Variants in TAF12 observed in about 807,000 individuals in gnomAD.
TAF12 encodes TATA-box binding protein associated factor 12.
TAF12 carries 3 observed loss-of-function variants against 20.8 expected under a neutral mutation model. The observed-to-expected ratio is 0.14, with a 90% confidence interval of 0.07 to 0.37. The LOEUF is 0.37. Ranked by LOEUF, TAF12 falls within the 10% of genes least tolerant of loss-of-function variation. TAF12 has a pLI of 1.00. For synonymous variants in TAF12, 69 were observed against 70.2 expected (o/e 0.98, Z 0.09); for missense variants, 131 against 197.9 (o/e 0.66, Z 2.03).
intron 1 of TAF12, among the ~76,000 whole-genome samples, chr1:28,628,022 G>A (rs942395500): frequency 6.6e-6 from 1 of 151,896 alleles, no homozygotes; most frequent in African/African-American, 2.4e-5. Flanking sequence ...GAGCATTCAA[G>A]ATCTGTGAAT....
intron 4 of TAF12, among the ~76,000 whole-genome samples, chr1:28,610,957 CAAAA>C (rs1170666206): frequency 1.5e-4 from 4 of 26,812 alleles, no homozygotes; most frequent in Non-Finnish European, 2.1e-4. Flanking sequence ...GAGACTGTCT[CAAAA>C]AAAAAAAAAA....
intron 2 of TAF12, among the ~76,000 whole-genome samples, chr1:28,620,008 C>T (rs1388386374): frequency 6.6e-6 from 1 of 151,250 alleles, no homozygotes; most frequent in African/African-American, 2.4e-5. Context: ...AAAAGACATA[C>T]ACTAAAATGC....
intron 4 of TAF12, 111 bp downstream of exon 4, chr1:28,613,136 C>A: frequency 1.4e-6 from 1 of 733,440 alleles, no homozygotes; most frequent in Non-Finnish European, 2.1e-6. Context: ...TACATAAATC[C>A]CAGTGCCCAA....
chr1:28,626,754 C>G (rs189842797), intron 1 of TAF12, among the ~76,000 whole-genome samples: 1 of 150,330 alleles, frequency 6.7e-6, no homozygotes, highest in Non-Finnish European at 1.5e-5. Context: ...ACTAAAAATA[C>G]AAAAAATTAG....
At chr1:28,642,655 C>T (rs1479706410) in intron 1 of TAF12, 2 of 985,472 alleles carry the variant, frequency 2.0e-6, no homozygotes, top group Admixed American at 1.2e-4. Flanking sequence ...CCACTTTTAC[C>T]TCTCCGGAGC....
intron 5 of TAF12, 28 bp from the exon 6 acceptor site, chr1:28,603,602 T>C: frequency 6.2e-7 from 1 of 1,613,416 alleles, no homozygotes; most frequent in Non-Finnish European, 8.5e-7. Context: ...TAAGCAGTTA[T>C]ACAGCAGCAG....
chr1:28,643,059 G>T lies in TAF12; in HGVS notation c.-152C>A, dbSNP rs999641520. ...CAGTGAAGCGTTCGTCTCAGCAGCC[G>T]GTCCGACTGCGCGGCCCTCCCCGAC... On this transcript the variant is annotated 5_prime_UTR_variant, in exon 1 of 6. Coordinates refer to ENST00000373824, the MANE Select transcript of TAF12 (RefSeq NM_005644.4). 5 of 985,870 alleles carry T rather than the reference G, an allele frequency of 5.1e-6. No individual in the cohort carries two copies. The highest frequency in any genetic ancestry group is 6.0e-6 in the Non-Finnish European group (5 of 829,954). The allele number at this position is 985,870 out of a possible 1,614,324, so 61.1% of individuals were successfully genotyped here. A position where few individuals can be genotyped will look rare whatever the true frequency, so the allele number is the denominator to read the frequency against.
rs763167233 is a variant in TAF12 at position 28,603,187 on chromosome 1, G to A, written c.*352C>T. 4.3e-6 allele frequency: 1 copy of A among 231,136 alleles called. No individual in the cohort carries two copies. Among genetic ancestry groups the A allele is most frequent in the African/African-American group, 2.3e-5 (1 of 44,262 alleles). The allele number at this position is 231,136 out of a possible 1,614,324, so 14.3% of individuals were successfully genotyped here. A position where few individuals can be genotyped will look rare whatever the true frequency, so the allele number is the denominator to read the frequency against. On this transcript the variant is annotated 3_prime_UTR_variant, in exon 6 of 6. Coordinates refer to ENST00000373824, the MANE Select transcript of TAF12 (RefSeq NM_005644.4). The stretch of plus-strand genomic sequence containing the variant: ...TACAAAGTACAGGGAAAAGGGGAAG[G>A]GAGAAGGAAACAAAACCCTTTACAA...
At chr1:28,616,143 T>C (rs1334096053) in intron 3 of TAF12, among the ~76,000 whole-genome samples, 1 of 152,116 alleles carries the variant, frequency 6.6e-6, no homozygotes, top group Non-Finnish European at 1.5e-5. Context: ...AGACCTATAA[T>C]CCCAGCACTG....
chr1:28,620,375 C>T (rs1011822230), intron 2 of TAF12, among the ~76,000 whole-genome samples: 49 of 152,068 alleles, frequency 3.2e-4, no homozygotes, highest in African/African-American at 1.1e-3. Flanking sequence ...CTTGGGTTAT[C>T]GCCTGCCTTG....
chr1:28,642,587 G>A (rs1366696880), intron 1 of TAF12: 21 of 965,554 alleles, frequency 2.2e-5, no homozygotes, highest in Non-Finnish European at 2.3e-5. Context: ...TGAATCCTTA[G>A]GAGCCCGGGT....
chr1:28,635,021 G>A (rs1332532952), intron 1 of TAF12, among the ~76,000 whole-genome samples: 3 of 151,340 alleles, frequency 2.0e-5, no homozygotes, highest in African/African-American at 2.4e-5. Context: ...GGTCAGGATC[G>A]AGACCATCCT....
Position 28,605,807 on chromosome 1 carries a change from T to G in TAF12, c.362-347A>C, listed in dbSNP as rs944690444. Among the ~76,000 whole-genome samples, 6 of 152,124 alleles carry G rather than the reference T, an allele frequency of 3.9e-5. No individual in the cohort carries two copies. The South Asian group carries it at 6.2e-4, about 16-fold the overall frequency. ...TGGCCAGCTAATATTTCTTATTTCT[T>G]ATATTTCTTTAAGACGGAATTTTGC... On this transcript the variant is annotated intron_variant, in intron 4 of 5. Transcript: ENST00000373824.
At chr1:28,618,913 T>TGATCTGTGCCTGTAGTCCCAGC (rs1204152462) in intron 2 of TAF12, among the ~76,000 whole-genome samples, 51 of 152,152 alleles carry the variant, frequency 3.4e-4, no homozygotes, top group African/African-American at 1.2e-3. Flanking sequence ...CCAGGCACAG[T>TGATCTGTGCCTGTAGTCCCAGC]GATCTGTGCC....
At chr1:28,622,738 G>A (rs1450011264) in intron 1 of TAF12, among the ~76,000 whole-genome samples, 1 of 151,390 alleles carries the variant, frequency 6.6e-6, no homozygotes, top group Non-Finnish European at 1.5e-5. Flanking sequence ...AATTTAGCTG[G>A]GGCTGGGTGT....
chr1:28,614,206 C>A (rs577281274), intron 3 of TAF12, among the ~76,000 whole-genome samples: 1 of 151,978 alleles, frequency 6.6e-6, no homozygotes, highest in Non-Finnish European at 1.5e-5. Context: ...ACACTGTACT[C>A]CAGCCTGGCG....
At position 28,638,302 on chromosome 1, in the gene TAF12, G is replaced by C. The variant is rs934322583; in HGVS notation, c.-85+4690C>G. Among the ~76,000 whole-genome samples, 21 of 151,702 alleles carry C rather than the reference G, an allele frequency of 1.4e-4. 1 individual carries two copies. Among genetic ancestry groups the C allele is most frequent in the Non-Finnish European group, 2.4e-4 (16 of 67,978 alleles). On this transcript the variant is annotated intron_variant, in intron 1 of 5. Transcript: ENST00000373824. ...CCTCTCAGGTTCAAAGGATTCTCCT[G>C]CCTCAGCCTCCCGAGTAGCTGTGAT...
chr1:28,638,367 T>G (rs1667913364), intron 1 of TAF12, among the ~76,000 whole-genome samples: 1 of 151,904 alleles, frequency 6.6e-6, no homozygotes, highest in African/African-American at 2.4e-5. Flanking sequence ...TTTTGTATTT[T>G]TAGTAGAGAT....
At chr1:28,647,979 C>A (rs555404681), upstream of TAF12, among the ~76,000 whole-genome samples, 3 of 151,998 alleles carry the variant, frequency 2.0e-5, no homozygotes, top group African/African-American at 7.2e-5. Flanking sequence ...CAACTCTTTT[C>A]ACTCGATTTA....
Sources: gnomAD v4.1 joint callset for allele counts (sites outside exome capture counted in the v4.1 genomes callset) on GRCh38, gnomAD v4.1.1 for gene constraint, MANE v1.5 for transcripts, NCBI Gene and HGNC (gene_info 2026-07-23, HGNC 2026-07-21) for gene names.